Variants in ANK2 observed in about 807,000 individuals in gnomAD.
ANK2 encodes the protein ankyrin-2.
In ANK2, 83 loss-of-function variants were observed where a neutral mutation model predicts 360.5. The ratio of observed to expected loss-of-function variants is 0.23; its 90% CI spans 0.19 to 0.28. ANK2 has a LOEUF of 0.28. Among genes scored for constraint, ANK2 ranks in the 10% least tolerant of loss-of-function variants. The pLI is 1.00. For missense variants in ANK2, 4,201 were observed against 4,795.7 expected, an observed-to-expected ratio of 0.88 and a Z score of 3.66; for synonymous variants, 1,740 against 1,759.5, an observed-to-expected ratio of 0.99 and a Z score of 0.28.
intron 1 of ANK2, among the ~76,000 whole-genome samples, chr4:113,127,698 A>G (rs1302434435): frequency 6.6e-6 from 1 of 152,118 alleles, no homozygotes; most frequent in Non-Finnish European, 1.5e-5. Context: ...ATAAAGTTGG[A>G]GCACTTACAG....
Position 113,293,437 on chromosome 4 carries a change from C to T in ANK2, c.2377-3C>T, listed in dbSNP as rs1369921243. The T allele has an allele frequency of 8.7e-6, 14 of 1,612,420 alleles. No homozygotes were observed. Among genetic ancestry groups the T allele is most frequent in the Non-Finnish European group, 1.1e-5 (13 of 1,179,286 alleles). The stretch of plus-strand genomic sequence containing the variant: ...CACTCTCTCTCTTTCACTCTCTCTT[C>T]AGAATGGCAACACTGCCTTGGCGAT... On this transcript the variant is annotated splice_region_variant and splice_polypyrimidine_tract_variant and intron_variant, in intron 21 of 45. Transcript: ENST00000357077.
At chr4:112,974,155 A>G (rs2040553886) in intron 2 of ANK2, among the ~76,000 whole-genome samples, 1 of 152,158 alleles carries the variant, frequency 6.6e-6, no homozygotes, top group African/African-American at 2.4e-5. Context: ...GGTAGTGCTG[A>G]GGGGAAATGA....
chr4:113,273,655 T>C (rs554825597), intron 14 of ANK2, among the ~76,000 whole-genome samples: 1 of 152,328 alleles, frequency 6.6e-6, no homozygotes, highest in South Asian at 2.1e-4. Flanking sequence ...TACACTCAAT[T>C]TTCTTTTTAC....
chr4:113,055,904 T>C (rs1265621398), intron 1 of ANK2, among the ~76,000 whole-genome samples: 1 of 152,184 alleles, frequency 6.6e-6, no homozygotes. Flanking sequence ...TTCCTTCCAG[T>C]GTTGCTGCCA....
chr4:112,877,727 T>C (rs979407316), intron 1 of ANK2, among the ~76,000 whole-genome samples: 3 of 150,594 alleles, frequency 2.0e-5, no homozygotes, highest in Admixed American at 6.6e-5. Flanking sequence ...CAAAGCTGAC[T>C]CAGAATCTAC....
chr4:113,056,611 C>T (rs538507438), intron 1 of ANK2, among the ~76,000 whole-genome samples: 22 of 152,158 alleles, frequency 1.4e-4, no homozygotes, highest in African/African-American at 5.3e-4. Context: ...CTAGATAGAG[C>T]AGAGATGGGA....
At chr4:112,962,235 C>T (rs943626624) in intron 2 of ANK2, among the ~76,000 whole-genome samples, 4 of 152,016 alleles carry the variant, frequency 2.6e-5, no homozygotes, top group African/African-American at 4.8e-5. Context: ...CTATTGTTCC[C>T]GTGTCTATGT....
At chr4:113,149,711 CA>C (rs567540157) in intron 1 of ANK2, among the ~76,000 whole-genome samples, 2 of 150,562 alleles carry the variant, frequency 1.3e-5, no homozygotes, top group South Asian at 4.2e-4. Flanking sequence ...CCTGTTTCTA[CA>C]AAAAAATACA....
intron 37 of ANK2, among the ~76,000 whole-genome samples, chr4:113,352,782 A>T (rs2095498139): frequency 6.7e-6 from 1 of 150,182 alleles, no homozygotes; most frequent in South Asian, 2.1e-4. Flanking sequence ...GCTTTGTTGT[A>T]TGTGTGGATG....
At chr4:113,132,384 ATACT>A (rs1341831504) in intron 1 of ANK2, among the ~76,000 whole-genome samples, 1 of 152,214 alleles carries the variant, frequency 6.6e-6, no homozygotes, top group African/African-American at 2.4e-5. Flanking sequence ...ACTATAGTAC[ATACT>A]TCAAATGTAC....
intron 2 of ANK2, among the ~76,000 whole-genome samples, chr4:112,996,888 G>T (rs1303341375): frequency 6.6e-6 from 1 of 151,566 alleles, no homozygotes; most frequent in Admixed American, 6.6e-5. Flanking sequence ...CTACCTCCCC[G>T]ATCCCCAGCC....
chr4:112,793,117 T>C, the ANK2 span, among the ~76,000 whole-genome samples: 1 of 152,162 alleles, frequency 6.6e-6, no homozygotes. Flanking sequence ...GTATTAAAAA[T>C]GCAAGAAAAA....
At chr4:113,255,588 CT>C in intron 10 of ANK2, 146 bp from the exon 11 acceptor site, 1 of 756,062 alleles carries the variant, frequency 1.3e-6, no homozygotes, top group Non-Finnish European at 2.2e-6. Context: ...GAAATATAGT[CT>C]GCTGTATATT....
chr4:112,939,176 T>G (rs1044393896), intron 2 of ANK2, among the ~76,000 whole-genome samples: 9 of 152,228 alleles, frequency 5.9e-5, no homozygotes, highest in African/African-American at 2.2e-4. Context: ...TGGAAATATT[T>G]TCATGGCTAT....
At chr4:112,854,636 C>T (rs1273792426) in intron 1 of ANK2, among the ~76,000 whole-genome samples, 1 of 152,140 alleles carries the variant, frequency 6.6e-6, no homozygotes, top group Non-Finnish European at 1.5e-5. Context: ...AGGTAGTATG[C>T]TAAGAAGGCA....
the ANK2 span, among the ~76,000 whole-genome samples, chr4:112,774,265 G>A: frequency 9.2e-5 from 14 of 152,158 alleles, no homozygotes; most frequent in African/African-American, 3.1e-4. Context: ...GGTGGCTCAC[G>A]CCTGTAATCC....
chr4:113,348,010 G>A (rs2095058136), intron 35 of ANK2: 2 of 485,856 alleles, frequency 4.1e-6, no homozygotes, highest in South Asian at 2.6e-5. Context: ...CTTTGAGACT[G>A]CCGTGGTGAC....
intron 2 of ANK2, among the ~76,000 whole-genome samples, chr4:112,999,902 T>G (rs1469347057): frequency 6.6e-6 from 1 of 152,160 alleles, no homozygotes; most frequent in Non-Finnish European, 1.5e-5. Context: ...AGTAAAGTTG[T>G]GGCAATTAAG....
In ANK2 at chr4:113,369,751, C is replaced by T. The variant is rs751064768; in HGVS notation, c.11556C>T (p.Ala3852=). 13 of 1,613,920 alleles carry T rather than the reference C, an allele frequency of 8.1e-6. No individual in the cohort carries two copies. Among genetic ancestry groups the T allele is most frequent in the African/African-American group, 4.0e-5 (3 of 74,870 alleles). The part of the protein sequence containing the change: ...RKTSLVIVES[A]DNQPETCERL... The stretch of plus-strand genomic sequence containing the variant: ...CCAGCCTCGTAATAGTGGAGTCTGC[C>T]GATAACCAGCCTGAGACCTGTGAAA... The change falls in exon 43 of 46, where the codon GCC becomes GCT. Residue 3852 remains alanine (A), a synonymous_variant. Coordinates refer to ENST00000357077, the MANE Select transcript of ANK2 (RefSeq NM_001148.6).
Sources: gnomAD v4.1 joint callset for allele counts (sites outside exome capture counted in the v4.1 genomes callset) on GRCh38, gnomAD v4.1.1 for gene constraint, MANE v1.5 for transcripts, NCBI Gene and HGNC (gene_info 2026-07-23, HGNC 2026-07-21) for gene names.